Variants in ACOXL observed in about 807,000 individuals in gnomAD.
The protein encoded by ACOXL is acyl-CoA oxidase like, also known as acyl-coenzyme A oxidase-like protein.
Under a neutral mutation model 71.9 loss-of-function variants are expected in ACOXL, and 70 were observed. The observed-to-expected ratio is 0.97, with a 90% CI of 0.80 to 1.19. ACOXL has a LOEUF of 1.19. Among genes scored for constraint, ACOXL ranks in the 50% most tolerant of loss-of-function variants. The probability of loss-of-function intolerance (pLI) is 0.00; values close to 1 mark genes in which losing one functional copy is unlikely to be tolerated. For synonymous variants in ACOXL, 253 were observed against 281.6 expected (o/e 0.90, Z 1.02); for missense variants, 703 against 736.3 (o/e 0.95, Z 0.52).
chr2:110,955,555 T>C (rs1422489802), intron 12 of ACOXL, among the ~76,000 whole-genome samples: 1 of 152,006 alleles, frequency 6.6e-6, no homozygotes, highest in East Asian at 1.9e-4. Context: ...ATTTTTAACT[T>C]TACATTGCAC....
chr2:110,921,411 G>C (rs75346115), intron 11 of ACOXL, among the ~76,000 whole-genome samples: 157 of 46,082 alleles, frequency 3.4e-3, no homozygotes, highest in Middle Eastern at 0.034. Flanking sequence ...TTTTTTTTTT[G>C]AGGCAGAGTC....
At chr2:110,797,840 C>G (rs912606327) in intron 5 of ACOXL, among the ~76,000 whole-genome samples, 1 of 152,116 alleles carries the variant, frequency 6.6e-6, no homozygotes, top group African/African-American at 2.4e-5. Flanking sequence ...ACCACCAGGG[C>G]TTTTAGAGGT....
At chr2:110,927,018 G>A (rs542265703) in intron 11 of ACOXL, among the ~76,000 whole-genome samples, 24 of 152,294 alleles carry the variant, frequency 1.6e-4, no homozygotes, top group Admixed American at 1.6e-3. Flanking sequence ...AAGAAAAGAG[G>A]TTTAATTGAC....
chr2:110,831,013 C>T (rs974257130), intron 9 of ACOXL, among the ~76,000 whole-genome samples: 3 of 152,086 alleles, frequency 2.0e-5, no homozygotes, highest in Non-Finnish European at 4.4e-5. Context: ...CTACAAAAAA[C>T]CTACAGGTAA....
intron 1 of ACOXL, among the ~76,000 whole-genome samples, chr2:110,761,122 C>A (rs1159104721): frequency 1.3e-5 from 2 of 152,212 alleles, no homozygotes; most frequent in Non-Finnish European, 2.9e-5. Flanking sequence ...ACCACCAGAA[C>A]AATATTCAAC....
At chr2:110,957,789 G>A (rs2061553516) in intron 12 of ACOXL, among the ~76,000 whole-genome samples, 1 of 152,150 alleles carries the variant, frequency 6.6e-6, no homozygotes. Context: ...AGGGGTGCTG[G>A]CTTATGCCGG....
chr2:111,010,231 AAG>A (rs1036578519), intron 14 of ACOXL, among the ~76,000 whole-genome samples: 21 of 152,188 alleles, frequency 1.4e-4, no homozygotes, highest in African/African-American at 5.1e-4. Context: ...AAAAGGGATG[AAG>A]AGAGAGGAAA....
chr2:110,907,878 TTGAG>T (rs1477780569), intron 10 of ACOXL, among the ~76,000 whole-genome samples: 3 of 152,212 alleles, frequency 2.0e-5, no homozygotes, highest in South Asian at 2.1e-4. Context: ...CTTCTTCTCT[TTGAG>T]TGGTTGATGG....
chr2:111,054,902 C>A lies in ACOXL; in HGVS notation c.1440+5614C>A, dbSNP rs529535948. On this transcript the variant is annotated intron_variant, in intron 16 of 17. Coordinates refer to ENST00000439055, the MANE Select transcript of ACOXL (RefSeq NM_001142807.4). The stretch of plus-strand genomic sequence containing the variant: ...TTTCACAAGAAAAACAATGCCTTTC[C>A]CTCAGCTTGGGAATGACTGTGCATG... Among the ~76,000 whole-genome samples, 4 of 152,260 alleles carry A rather than the reference C, an allele frequency of 2.6e-5. No individual in the cohort carries two copies. In the East Asian group the frequency reaches 7.7e-4, roughly 29 times the overall value.
intron 2 of ACOXL, among the ~76,000 whole-genome samples, chr2:110,772,512 A>T (rs1281954873): frequency 2.0e-5 from 3 of 152,142 alleles, no homozygotes; most frequent in East Asian, 3.9e-4. Flanking sequence ...ACCTTTCCCC[A>T]GGAGGGAGCC....
At chr2:110,883,583 C>T (rs1221564450) in intron 10 of ACOXL, among the ~76,000 whole-genome samples, 1 of 152,196 alleles carries the variant, frequency 6.6e-6, no homozygotes, top group Non-Finnish European at 1.5e-5. Flanking sequence ...CTTTCATTAT[C>T]TGGCCTCTGC....
rs1371988716 is a variant in ACOXL, at chr2:111,016,882, C to G, written c.1282-14745C>G. 2.6e-5 allele frequency among the ~76,000 whole-genome samples: 4 copies of G among 151,194 alleles called. No homozygotes were observed. In the East Asian group the frequency reaches 7.8e-4, roughly 30 times the overall value. On this transcript the variant is annotated intron_variant, in intron 14 of 17. Coordinates refer to ENST00000439055, the MANE Select transcript of ACOXL (RefSeq NM_001142807.4). Reference sequence around the variant, plus strand: ...TATTCTATTCACTGGGGAGGATGGACCCCTGGAAGCAGGGCCCCAGCAAGA... The same window carrying G: ...TATTCTATTCACTGGGGAGGATGGAGCCCTGGAAGCAGGGCCCCAGCAAGA...
chr2:110,954,200 G>A (rs2061422155), intron 12 of ACOXL, among the ~76,000 whole-genome samples: 1 of 152,000 alleles, frequency 6.6e-6, no homozygotes, highest in Non-Finnish European at 1.5e-5. Flanking sequence ...CATTTGATTG[G>A]CATTTACCTG....
intron 10 of ACOXL, among the ~76,000 whole-genome samples, chr2:110,876,863 C>G (rs575600936): frequency 4.6e-5 from 7 of 152,194 alleles, no homozygotes; most frequent in Non-Finnish European, 8.8e-5. Flanking sequence ...GAAAATCTCA[C>G]CTTTGTGGAG....
chr2:111,025,600 G>A (rs936498656), intron 14 of ACOXL, among the ~76,000 whole-genome samples: 7 of 152,100 alleles, frequency 4.6e-5, no homozygotes, highest in Admixed American at 1.3e-4. Flanking sequence ...TATTCATTTT[G>A]TCTTCTTTGG....
rs760521694 is a variant in ACOXL, at chr2:110,908,808, A to C, written c.808A>C (p.Lys270Gln). 1.1e-5 allele frequency: 18 copies of C among 1,613,976 alleles called. No homozygotes were observed. The highest frequency in any genetic ancestry group is 1.6e-4 in the Middle Eastern group (1 of 6,082). The change falls in exon 11 of 18, where the codon AAA (lysine) becomes CAA (glutamine). Residue 270 changes from lysine (K) to glutamine (Q), a missense_variant. Coordinates refer to ENST00000439055, the MANE Select transcript of ACOXL (RefSeq NM_001142807.4). ...CTCTAGCCGGAGGCAGTTTGGGCCC[A>C]AAACCAAGGAAGAGGTGAAGATCAT... ...YSHSRRQFGP[K>Q]TKEEVKIIEH...
intron 15 of ACOXL, among the ~76,000 whole-genome samples, chr2:111,032,952 C>T (rs558814112): frequency 6.6e-6 from 1 of 152,338 alleles, no homozygotes; most frequent in East Asian, 1.9e-4. Context: ...CTTCTTCCTT[C>T]CTTCTAAGGA....
intron 15 of ACOXL, among the ~76,000 whole-genome samples, chr2:111,043,004 C>T (rs544476593): frequency 2.0e-5 from 3 of 152,312 alleles, no homozygotes; most frequent in African/African-American, 7.2e-5. Context: ...GCTGAGATCC[C>T]AGTGTTCGGA....
intron 12 of ACOXL, among the ~76,000 whole-genome samples, chr2:110,951,727 A>G (rs2061339747): frequency 6.6e-6 from 1 of 152,160 alleles, no homozygotes; most frequent in Non-Finnish European, 1.5e-5. Flanking sequence ...CATTTATTTT[A>G]TTGAGATGAT....
Sources: allele counts gnomAD v4.1 joint callset (sites outside exome capture counted in the v4.1 genomes callset), GRCh38; gene constraint gnomAD v4.1.1; transcripts MANE v1.5; gene names NCBI Gene and HGNC (gene_info 2026-07-23, HGNC 2026-07-21).